CCDC178: variants seen among roughly 807,000 people sequenced by gnomAD.
CCDC178 encodes coiled-coil domain containing 178, also known as coiled-coil domain-containing protein 178.
Under a neutral mutation model 117.4 loss-of-function variants are expected in CCDC178, and 126 were observed. The ratio of observed to expected loss-of-function variants is 1.07; its 90% CI spans 0.93 to 1.24. The LOEUF is 1.24. Among genes scored for constraint, CCDC178 ranks in the 50% most tolerant of loss-of-function variants. The probability of loss-of-function intolerance (pLI) is 0.00; values close to 1 mark genes in which losing one functional copy is unlikely to be tolerated. For missense variants in CCDC178, 1,030 were observed against 986.9 expected (o/e 1.04, Z -0.59); for synonymous variants, 283 against 313.4 (o/e 0.90, Z 1.02).
chr18:33,257,899 T>A (rs1282910394), intron 14 of CCDC178, among the ~76,000 whole-genome samples: 3 of 151,958 alleles, frequency 2.0e-5, no homozygotes, highest in African/African-American at 7.2e-5. Flanking sequence ...AGGAGACATA[T>A]CTTCTCTCCT....
At chr18:33,050,861 C>T (rs2056734543) in intron 21 of CCDC178, among the ~76,000 whole-genome samples, 1 of 152,136 alleles carries the variant, frequency 6.6e-6, no homozygotes, top group Admixed American at 6.5e-5. Flanking sequence ...AAAGCTTCAT[C>T]TATTTAGTTG....
chr18:33,086,692 T>C lies in CCDC178; in HGVS notation c.2388+6069A>G, dbSNP rs992127644. Among the ~76,000 whole-genome samples, 13 of 152,200 alleles carry C rather than the reference T, an allele frequency of 8.5e-5. No homozygotes were observed. The East Asian group carries it at 2.5e-3, about 29-fold the overall frequency. On this transcript the variant is annotated intron_variant, in intron 21 of 22. Coordinates refer to ENST00000383096, the MANE Select transcript of CCDC178 (RefSeq NM_001105528.4). ...ATAGTACACAGTGTGTCATGTTATA[T>C]ATATGTATATACACATACGCATGCA...
intron 5 of CCDC178, among the ~76,000 whole-genome samples, chr18:33,376,548 C>A (rs758724326): frequency 6.6e-6 from 1 of 151,936 alleles, no homozygotes; most frequent in Non-Finnish European, 1.5e-5. Context: ...CTTCTGTCAC[C>A]CAGGTATTGA....
chr18:33,408,976 G>A (rs1217710344), intron 3 of CCDC178, among the ~76,000 whole-genome samples: 3 of 152,146 alleles, frequency 2.0e-5, no homozygotes, highest in Admixed American at 6.5e-5. Flanking sequence ...AATACTATTG[G>A]TCAGCTTGTT....
chr18:33,299,327 A>C (rs184986266), intron 11 of CCDC178, among the ~76,000 whole-genome samples: 57 of 152,264 alleles, frequency 3.7e-4, no homozygotes, highest in Non-Finnish European at 6.3e-4. Context: ...TTTTTGACAA[A>C]GACAGAAAGA....
chr18:32,992,671 G>A (rs558925525), intron 21 of CCDC178, among the ~76,000 whole-genome samples: 2 of 152,142 alleles, frequency 1.3e-5, no homozygotes, highest in South Asian at 2.1e-4. Flanking sequence ...ATCACCCTAC[G>A]CAAAAAAGTG....
rs146125239 is a variant in CCDC178, at chr18:32,954,305, A to G, written c.2524-16214T>C. The stretch of plus-strand genomic sequence containing the variant: ...CCCTCTAAGCACTCCACAGGGTATG[A>G]TGATGAATAAATCATGAACCCTTCT... On this transcript the variant is annotated intron_variant, in intron 22 of 22. Coordinates refer to ENST00000383096, the MANE Select transcript of CCDC178 (RefSeq NM_001105528.4). Among the ~76,000 whole-genome samples the G allele has an allele frequency of 5.1e-3, 774 of 152,290 alleles. 3 individuals carry two copies. The highest frequency in any genetic ancestry group is 7.1e-3 in the Non-Finnish European group (482 of 68,004).
intron 21 of CCDC178, among the ~76,000 whole-genome samples, chr18:33,041,211 TA>T (rs1202845343): frequency 6.6e-6 from 1 of 151,860 alleles, no homozygotes; most frequent in African/African-American, 2.4e-5. Flanking sequence ...TATCACCCTA[TA>T]AACTGAGACA....
intron 15 of CCDC178, among the ~76,000 whole-genome samples, chr18:33,239,435 C>T (rs1568080150): frequency 1.3e-5 from 2 of 151,088 alleles, no homozygotes; most frequent in Non-Finnish European, 3.0e-5. Flanking sequence ...AAAGACCCAA[C>T]TATATGCTGC....
At chr18:33,049,275 T>C (rs150307910) in intron 21 of CCDC178, among the ~76,000 whole-genome samples, 57 of 152,252 alleles carry the variant, frequency 3.7e-4, no homozygotes, top group Non-Finnish European at 7.4e-4. Flanking sequence ...TAATAACTTA[T>C]AAAGATGTTA....
At chr18:32,939,627 A>G (rs1354817767) in intron 22 of CCDC178, among the ~76,000 whole-genome samples, 1 of 152,136 alleles carries the variant, frequency 6.6e-6, no homozygotes, top group Non-Finnish European at 1.5e-5. Flanking sequence ...AGCACACAAC[A>G]GTAATGACGG....
chr18:33,005,806 G>A (rs1397768150), intron 21 of CCDC178, among the ~76,000 whole-genome samples: 1 of 151,954 alleles, frequency 6.6e-6, no homozygotes, highest in African/African-American at 2.4e-5. Flanking sequence ...CTAACTCTGT[G>A]TACACAAAGA....
intron 21 of CCDC178, among the ~76,000 whole-genome samples, chr18:33,058,990 A>G (rs2056875945): frequency 6.6e-6 from 1 of 152,158 alleles, no homozygotes; most frequent in Non-Finnish European, 1.5e-5. Context: ...AAAAATAAAT[A>G]TTAGACAGCA....
At chr18:33,397,235 A>G in intron 3 of CCDC178, 27 bp from the exon 4 acceptor site, 1 of 1,469,472 alleles carries the variant, frequency 6.8e-7, no homozygotes, top group Non-Finnish European at 9.5e-7. Flanking sequence ...AAAACAAAAT[A>G]AAATATCTGC....
intron 21 of CCDC178, among the ~76,000 whole-genome samples, chr18:32,984,385 A>C (rs1419759625): frequency 1.3e-5 from 2 of 152,066 alleles, no homozygotes; most frequent in East Asian, 3.9e-4. Flanking sequence ...TGTATACTTT[A>C]TAATGATAAT....
chr18:33,245,721 A>G (rs751074423), intron 14 of CCDC178, among the ~76,000 whole-genome samples: 17 of 151,820 alleles, frequency 1.1e-4, no homozygotes, highest in Non-Finnish European at 2.1e-4. Flanking sequence ...AATCCCTTCT[A>G]TACTCCTTTC....
At chr18:33,289,878 T>C (rs1642167044) in intron 12 of CCDC178, among the ~76,000 whole-genome samples, 1 of 152,172 alleles carries the variant, frequency 6.6e-6, no homozygotes, top group Non-Finnish European at 1.5e-5. Context: ...AAGTTAAAGA[T>C]ATTGAGTATG....
intron 20 of CCDC178, among the ~76,000 whole-genome samples, chr18:33,187,069 C>T (rs1204694029): frequency 7.0e-6 from 1 of 143,390 alleles, no homozygotes; most frequent in Non-Finnish European, 1.5e-5. Flanking sequence ...AGACAAGGCA[C>T]ATCTTACATG....
At chr18:33,050,526 T>C (rs554047263) in intron 21 of CCDC178, among the ~76,000 whole-genome samples, 78 of 152,186 alleles carry the variant, frequency 5.1e-4, no homozygotes, top group African/African-American at 1.8e-3. Context: ...ATAAAGGAAT[T>C]AAGTAGAAAA....
Sources: allele counts gnomAD v4.1 joint callset (sites outside exome capture counted in the v4.1 genomes callset), GRCh38; gene constraint gnomAD v4.1.1; transcripts MANE v1.5; gene names NCBI Gene and HGNC (gene_info 2026-07-23, HGNC 2026-07-21).